The following EXOC6 variants were observed in gnomAD, a reference collection of about 807,000 sequenced individuals.
EXOC6 encodes the protein exocyst complex component 6.
EXOC6 carries 60 observed loss-of-function variants against 112.5 expected under a neutral mutation model. The ratio of observed to expected loss-of-function variants is 0.53; its 90% confidence interval spans 0.43 to 0.66. EXOC6 has a LOEUF of 0.66. EXOC6 is among the 30% of genes least tolerant of loss of function. The pLI is 0.00. For synonymous variants in EXOC6, 295 were observed against 308.0 expected, an observed-to-expected ratio of 0.96 and a Z score of 0.44; for missense variants, 855 against 957.1, an observed-to-expected ratio of 0.89 and a Z score of 1.41.
chr10:93,020,481 A>T (rs1397597000), intron 20 of EXOC6, among the ~76,000 whole-genome samples: 1 of 152,036 alleles, frequency 6.6e-6, no homozygotes, highest in Non-Finnish European at 1.5e-5. Flanking sequence ...CTTATAGACT[A>T]CTCCAGACAT....
chr10:93,017,714 T>C (rs1176174349), intron 20 of EXOC6, among the ~76,000 whole-genome samples: 1 of 150,922 alleles, frequency 6.6e-6, no homozygotes, highest in Non-Finnish European at 1.5e-5. Flanking sequence ...TCAAAAGCTA[T>C]TGAAATAAAA....
chr10:92,901,046 T>C (rs996826629), intron 5 of EXOC6: 6 of 152,174 alleles, frequency 3.9e-5, no homozygotes, highest in Non-Finnish European at 8.8e-5. Flanking sequence ...TCTAGTTGTT[T>C]CTTCATGTTT....
intron 1 of EXOC6, among the ~76,000 whole-genome samples, chr10:92,839,720 G>T (rs1846776869): frequency 6.6e-6 from 1 of 152,056 alleles, no homozygotes; most frequent in Admixed American, 6.6e-5. Flanking sequence ...AGGTCACAAT[G>T]TCTGAACCGA....
intron 1 of EXOC6, among the ~76,000 whole-genome samples, chr10:92,840,023 T>C (rs1298133824): frequency 6.6e-6 from 1 of 152,088 alleles, no homozygotes; most frequent in East Asian, 1.9e-4. Context: ...AAGCTGACCA[T>C]GAAGTTTTAT....
intron 18 of EXOC6, among the ~76,000 whole-genome samples, chr10:92,976,462 G>A (rs1194919966): frequency 1.3e-5 from 2 of 151,818 alleles, no homozygotes; most frequent in Non-Finnish European, 2.9e-5. Flanking sequence ...ATGCTTGAAG[G>A]CAGCATGCTC....
At chr10:92,956,346 A>G (rs964973843) in intron 17 of EXOC6, among the ~76,000 whole-genome samples, 2 of 152,110 alleles carry the variant, frequency 1.3e-5, no homozygotes, top group African/African-American at 4.8e-5. Context: ...ATGATAAACC[A>G]TGTACTGATC....
At chr10:92,868,114 G>T (rs1425103030) in intron 1 of EXOC6, among the ~76,000 whole-genome samples, 5 of 151,708 alleles carry the variant, frequency 3.3e-5, no homozygotes, top group African/African-American at 1.2e-4. Flanking sequence ...TCCCTTTTTA[G>T]CTTGTGAATT....
At chr10:93,054,075 G>A (rs1846432124) in intron 20 of EXOC6, among the ~76,000 whole-genome samples, 2 of 152,218 alleles carry the variant, frequency 1.3e-5, no homozygotes, top group Admixed American at 6.5e-5. Flanking sequence ...CTATATTAAA[G>A]TGATAGTAGC....
Position 92,977,650 on chromosome 10 carries a change from A to G in EXOC6, c.1953+3418A>G, listed in dbSNP as rs559941153. Among the ~76,000 whole-genome samples the G allele has an allele frequency of 2.6e-5, 4 of 152,266 alleles. No homozygotes were observed. In the East Asian group the frequency reaches 7.7e-4, roughly 29 times the overall value. On this transcript the variant is annotated intron_variant, in intron 18 of 21. Coordinates refer to ENST00000260762, the MANE Select transcript of EXOC6 (RefSeq NM_019053.6). ...TGCTTCTAGCCAAAAGCAGTCCTCA[A>G]GAACAAACACATGTACGTGCTTGCA...
intron 1 of EXOC6, among the ~76,000 whole-genome samples, chr10:92,863,783 T>C (rs79455215): frequency 0.022 from 3,321 of 150,964 alleles, 57 homozygotes; most frequent in African/African-American, 0.041. Flanking sequence ...GGCGTGGTGG[T>C]GGGCACCTGT....
intron 20 of EXOC6, among the ~76,000 whole-genome samples, chr10:93,047,499 G>A (rs1846050973): frequency 6.6e-6 from 1 of 152,162 alleles, no homozygotes; most frequent in Middle Eastern, 3.4e-3. Flanking sequence ...TTGCACCACT[G>A]TACTCCAGCC....
At chr10:92,876,856 A>G (rs71480844) in intron 1 of EXOC6, among the ~76,000 whole-genome samples, 1 of 152,176 alleles carries the variant, frequency 6.6e-6, no homozygotes, top group Non-Finnish European at 1.5e-5. Context: ...TCAACGATGG[A>G]AAAAAACAAA....
chr10:93,029,030 C>CT (rs1554923847), intron 20 of EXOC6, among the ~76,000 whole-genome samples: 2 of 152,016 alleles, frequency 1.3e-5, no homozygotes, highest in Non-Finnish European at 2.9e-5. Flanking sequence ...TCATTGTTGT[C>CT]TTTTTTTAAG....
intron 1 of EXOC6, among the ~76,000 whole-genome samples, chr10:92,884,625 A>G (rs1006731458): frequency 6.6e-6 from 1 of 152,232 alleles, no homozygotes; most frequent in African/African-American, 2.4e-5. Context: ...CATTAGAATT[A>G]GATACTTTGA....
At chr10:93,024,370 G>A (rs1844923283) in intron 20 of EXOC6, among the ~76,000 whole-genome samples, 1 of 152,116 alleles carries the variant, frequency 6.6e-6, no homozygotes, top group African/African-American at 2.4e-5. Flanking sequence ...TCCAAGTCAG[G>A]TAAGTTTGGG....
intron 7 of EXOC6, among the ~76,000 whole-genome samples, chr10:92,918,512 T>C (rs2133901862): frequency 6.6e-6 from 1 of 152,202 alleles, no homozygotes; most frequent in Middle Eastern, 3.4e-3. Context: ...ACTCTTATGT[T>C]CAAATGCTCC....
intron 14 of EXOC6, among the ~76,000 whole-genome samples, chr10:92,950,811 C>T (rs1311038135): frequency 6.6e-6 from 1 of 152,092 alleles, no homozygotes; most frequent in East Asian, 1.9e-4. Context: ...TTTAGGAAGA[C>T]CTATATGTGG....
intron 18 of EXOC6, among the ~76,000 whole-genome samples, chr10:92,975,165 G>A (rs1165828720): frequency 1.3e-5 from 2 of 151,196 alleles, no homozygotes; most frequent in African/African-American, 4.9e-5. Context: ...AGTGAGGAGC[G>A]TCTCTGCCTG....
intron 20 of EXOC6, among the ~76,000 whole-genome samples, chr10:93,033,919 T>G (rs1845389733): frequency 6.6e-6 from 1 of 152,062 alleles, no homozygotes; most frequent in Non-Finnish European, 1.5e-5. Flanking sequence ...AAGTTAGGAG[T>G]GTAAAAAGAA....
Sources: allele counts gnomAD v4.1 joint callset (sites outside exome capture counted in the v4.1 genomes callset), GRCh38; gene constraint gnomAD v4.1.1; transcripts MANE v1.5; gene names NCBI Gene and HGNC (gene_info 2026-07-23, HGNC 2026-07-21).